The following DCDC2 variants were observed in gnomAD, a reference collection of about 807,000 sequenced individuals.
DCDC2 encodes the protein doublecortin domain containing 2.
A neutral mutation model predicts 50.2 loss-of-function variants in DCDC2; 40 were observed. The observed-to-expected ratio is 0.80, with a 90% CI of 0.62 to 1.04. DCDC2 has a LOEUF of 1.04. DCDC2 is among the 50% of genes least tolerant of loss of function. The pLI is 0.00. For synonymous variants in DCDC2, 234 were observed against 210.6 expected, an observed-to-expected ratio of 1.11 and a Z score of -0.96; for missense variants, 570 against 581.9, an observed-to-expected ratio of 0.98 and a Z score of 0.21.
At chr6:24,265,934 G>A (rs1227741373) in intron 7 of DCDC2, among the ~76,000 whole-genome samples, 1 of 145,820 alleles carries the variant, frequency 6.9e-6, no homozygotes, top group Non-Finnish European at 1.5e-5. Context: ...AAATACAAAA[G>A]ATCAATGAAA....
intron 7 of DCDC2, among the ~76,000 whole-genome samples, chr6:24,220,911 TGAGCGAGCGAGC>T (rs1184828335): frequency 5.6e-5 from 7 of 125,404 alleles, no homozygotes; most frequent in African/African-American, 1.9e-4. Context: ...AGCGAGAGAG[TGAGCGAGCGAGC>T]GAGAGCACAT....
At chr6:24,303,715 A>T (rs1759422375) in intron 2 of DCDC2, among the ~76,000 whole-genome samples, 1 of 152,210 alleles carries the variant, frequency 6.6e-6, no homozygotes, top group African/African-American at 2.4e-5. Flanking sequence ...TAAGTAATTT[A>T]TATGCATTAT....
At chr6:24,266,238 C>T (rs1016802367) in intron 7 of DCDC2, among the ~76,000 whole-genome samples, 3 of 152,002 alleles carry the variant, frequency 2.0e-5, no homozygotes, top group African/African-American at 4.8e-5. Flanking sequence ...AACTATGAAG[C>T]CACTACAAGA....
At chr6:24,210,581 T>G (rs2054391458) in intron 7 of DCDC2, among the ~76,000 whole-genome samples, 1 of 152,242 alleles carries the variant, frequency 6.6e-6, no homozygotes, top group South Asian at 2.1e-4. Flanking sequence ...ATTCATTTAT[T>G]TCTATCTCCA....
At chr6:24,205,227 T>C in intron 7 of DCDC2, 125 bp from the exon 8 acceptor site, 3 of 1,605,114 alleles carry the variant, frequency 1.9e-6, no homozygotes, top group Non-Finnish European at 2.6e-6. Context: ...TTGATAGTAT[T>C]TTTGTGCACC....
chr6:24,175,349 C>T (rs1205987697), intron 9 of DCDC2, among the ~76,000 whole-genome samples: 1 of 152,180 alleles, frequency 6.6e-6, no homozygotes, highest in Non-Finnish European at 1.5e-5. Flanking sequence ...GCTCCTGCCA[C>T]TTGGGTTTTT....
rs920880681 is a variant in DCDC2, at chr6:24,290,789, A to G, written c.704+143T>C. 19 of 600,008 alleles carry G rather than the reference A, an allele frequency of 3.2e-5. No homozygotes were observed. In the East Asian group the frequency reaches 5.3e-4, roughly 17 times the overall value. 37.2% of individuals were successfully genotyped at this position (600,008 alleles called of 1,614,324 possible). On this transcript the variant is annotated intron_variant, in intron 5 of 9. Coordinates refer to ENST00000378454, the MANE Select transcript of DCDC2 (RefSeq NM_016356.5). ...TCCCATCATGGCAATAAAAACAAAG[A>G]TCAATGTATACCATATATGCTTTCC...
Position 24,278,200 on chromosome 6 carries a change from G to C in DCDC2, c.771C>G (p.Arg257=), listed in dbSNP as rs1400458047. The part of the protein sequence containing the change: ...SRKSKGSGND[R]HSKSTVGSSD... ...TGGATCCAACTGTTGACTTAGAGTG[G>C]CGATCATTTCCCTAAATGGCAAAGT... The change falls in exon 7 of 10, where the codon CGC becomes CGG. Residue 257 remains arginine, a synonymous_variant. Transcript: ENST00000378454. 6.2e-7 allele frequency: 1 copy of C among 1,607,330 alleles called. No individual in the cohort carries two copies. The highest frequency in any genetic ancestry group is 2.2e-5 in the East Asian group (1 of 44,850).
Position 24,174,806 on chromosome 6 carries a change from C to T in DCDC2, c.1355G>A (p.Arg452Lys), listed in dbSNP as rs745504901. ...TGGACTGGTAATTTTTACTTCTGGC[C>T]TTGGTGGTCTTTGAGGGTCTACATC... The part of the protein sequence containing the change: ...EADVDPQRPP[R>K]PEVKITSPEE... Residue 452 changes from arginine to lysine, a missense_variant, in exon 10 of 10, where the codon AGG (arginine) becomes AAG (lysine). Physicochemically the swap from Arg to Lys is conservative, Grantham distance 26. Transcript: ENST00000378454. 18 of 1,613,238 alleles carry T rather than the reference C, an allele frequency of 1.1e-5. No homozygotes were observed. The highest frequency in any genetic ancestry group is 1.5e-5 in the Non-Finnish European group (18 of 1,179,580).
At chr6:24,207,375 A>G (rs1409931133) in intron 7 of DCDC2, among the ~76,000 whole-genome samples, 6 of 152,128 alleles carry the variant, frequency 3.9e-5, no homozygotes, top group African/African-American at 1.4e-4. Context: ...CTTTAAAACC[A>G]TATCATGAGC....
chr6:24,259,391 G>A (rs1762962995), intron 7 of DCDC2, among the ~76,000 whole-genome samples: 1 of 152,212 alleles, frequency 6.6e-6, no homozygotes, highest in Non-Finnish European at 1.5e-5. Flanking sequence ...AGAGTAAATA[G>A]TGATATTCGC....
intron 7 of DCDC2, among the ~76,000 whole-genome samples, chr6:24,217,387 A>G (rs906569775): frequency 6.6e-6 from 1 of 152,240 alleles, no homozygotes; most frequent in Non-Finnish European, 1.5e-5. Context: ...AGGCTCCAAC[A>G]TTCACTTTCA....
chr6:24,289,944 G>A (rs1198949185), intron 5 of DCDC2, among the ~76,000 whole-genome samples: 2 of 141,930 alleles, frequency 1.4e-5, no homozygotes, highest in African/African-American at 2.6e-5. Flanking sequence ...CAAGCCGAGA[G>A]ATCCTGCAGC....
In DCDC2 at chr6:24,174,777, C is replaced by A; in HGVS notation, c.1384G>T (p.Glu462Ter). 1 of 1,613,626 alleles carries A rather than the reference C, an allele frequency of 6.2e-7. No homozygotes were observed. The highest frequency in any genetic ancestry group is 1.7e-5 in the Admixed American group (1 of 60,004). The change falls in exon 10 of 10, where the codon GAA (glutamate) becomes TAA (stop). Residue 462 changes from glutamate (E) to a stop codon, truncating the protein, a stop_gained. Coordinates refer to ENST00000378454, the MANE Select transcript of DCDC2 (RefSeq NM_016356.5). LOFTEE classifies it high-confidence loss of function. The part of the protein sequence containing the change: ...RPEVKITSPE[E>*]NENNQQNKDY... ...TTGTTTTGTTGGTTGTTTTCATTTT[C>A]TTCTGGACTGGTAATTTTTACTTCT...
At chr6:24,359,082 TTTTTATATATTATATA>T (rs1317097024), upstream of DCDC2, among the ~76,000 whole-genome samples, 2 of 34,950 alleles carry the variant, frequency 5.7e-5, no homozygotes, top group Non-Finnish European at 9.2e-5. Context: ...ATATCATATA[TTTTTATATATTATATA>T]TTTTATATAT....
intron 8 of DCDC2, among the ~76,000 whole-genome samples, chr6:24,186,816 T>A (rs550048739): frequency 1.3e-4 from 20 of 152,112 alleles, no homozygotes; most frequent in Admixed American, 3.3e-4. Flanking sequence ...TCCCTCACAA[T>A]TATTATGTCG....
At chr6:24,206,968 A>T (rs941772473) in intron 7 of DCDC2, among the ~76,000 whole-genome samples, 9 of 152,194 alleles carry the variant, frequency 5.9e-5, no homozygotes, top group African/African-American at 2.2e-4. Flanking sequence ...TCAGAAAGGA[A>T]TTCATAAGAA....
intron 2 of DCDC2, among the ~76,000 whole-genome samples, chr6:24,307,636 G>C (rs1046897547): frequency 2.6e-5 from 4 of 152,080 alleles, no homozygotes; most frequent in African/African-American, 9.7e-5. Flanking sequence ...ACCACTTTTT[G>C]ATAAATGAGA....
chr6:24,340,141 C>T (rs1055833382), intron 2 of DCDC2, among the ~76,000 whole-genome samples: 7 of 152,130 alleles, frequency 4.6e-5, no homozygotes, highest in Admixed American at 6.5e-5. Context: ...CATCTGCAGA[C>T]GTTCACACAT....
Sources: allele counts gnomAD v4.1 joint callset (sites outside exome capture counted in the v4.1 genomes callset), GRCh38; gene constraint gnomAD v4.1.1; transcripts MANE v1.5; gene names NCBI Gene and HGNC (gene_info 2026-07-23, HGNC 2026-07-21).